The following ASPRV1 variants were observed in gnomAD, a reference collection of about 807,000 sequenced individuals.
ASPRV1 encodes aspartic peptidase retroviral like 1, also known as retroviral-like aspartic protease 1.
A neutral mutation model predicts 11.0 loss-of-function variants in ASPRV1; 7 were observed. That is an observed-to-expected ratio of 0.64 (90% CI 0.36 to 1.20). The LOEUF is 1.20. Among genes scored for constraint, ASPRV1 ranks in the 50% most tolerant of loss-of-function variants. The pLI is 0.02. For missense variants in ASPRV1, 299 were observed against 320.0 expected (o/e 0.93, Z 0.50); for synonymous variants, 136 against 138.4 (o/e 0.98, Z 0.12).
the ASPRV1 span, among the ~76,000 whole-genome samples, chr2:69,985,055 A>G: frequency 1.3e-5 from 2 of 152,110 alleles, no homozygotes; most frequent in African/African-American, 4.8e-5. Context: ...ACGGGGTTTC[A>G]CTGTGTTAGC....
At chr2:70,043,757 T>A in the ASPRV1 span, among the ~76,000 whole-genome samples, 259 of 152,294 alleles carry the variant, frequency 1.7e-3, no homozygotes, top group Non-Finnish European at 2.8e-3. Context: ...GTGACAGTCT[T>A]TGTCTCAGTA....
At chr2:70,050,237 G>C in the ASPRV1 span, 2 of 152,046 alleles carry the variant, frequency 1.3e-5, no homozygotes, top group South Asian at 4.2e-4. Context: ...CCGAGATCAT[G>C]CCATTGCACT....
the ASPRV1 span, among the ~76,000 whole-genome samples, chr2:69,966,880 G>A: frequency 1.3e-5 from 2 of 152,124 alleles, no homozygotes; most frequent in African/African-American, 2.4e-5. Flanking sequence ...GGGGGGCGGC[G>A]ACAGAGAGGG....
the ASPRV1 span, among the ~76,000 whole-genome samples, chr2:69,983,020 G>A: frequency 6.6e-6 from 1 of 152,152 alleles, no homozygotes; most frequent in Non-Finnish European, 1.5e-5. Context: ...CAGCGTTCAA[G>A]TGATTCTCCT....
At chr2:69,982,413 G>A in the ASPRV1 span, among the ~76,000 whole-genome samples, 1 of 152,142 alleles carries the variant, frequency 6.6e-6, no homozygotes, top group African/African-American at 2.4e-5. Context: ...CTGTGATCCT[G>A]CCACTGCACT....
chr2:70,076,830 C>G, the ASPRV1 span, among the ~76,000 whole-genome samples: 1 of 152,192 alleles, frequency 6.6e-6, no homozygotes, highest in Non-Finnish European at 1.5e-5. Flanking sequence ...CAGCTTGTTG[C>G]TGCAGCCCAG....
upstream of ASPRV1, chr2:69,964,564 C>T: frequency 3.7e-6 from 1 of 266,776 alleles, no homozygotes; most frequent in Admixed American, 4.9e-5. Flanking sequence ...GCTAAACCAG[C>T]CAGGGCAGGC....
Position 69,960,737 on chromosome 2 carries a change from A to T in ASPRV1, c.700T>A (p.Ser234Thr), listed in dbSNP as rs768942353. Residue 234 changes from serine (S) to threonine (T), a missense_variant, in exon 1 of 1, where the codon TCC (serine) becomes ACC (threonine). Transcript: ENST00000320256. ...TCCAGGTCAAACTCATCTTCCAGGGACCCTCCCACAGGCAGAAGGCGAAAC... is the reference window on the plus strand; with the variant it reads ...TCCAGGTCAAACTCATCTTCCAGGGTCCCTCCCACAGGCAGAAGGCGAAAC... Reference protein sequence around the residue: ...KKFRLLPVGGSLEDEFDLELI... With the variant: ...KKFRLLPVGGTLEDEFDLELI... 4 of 1,613,548 alleles carry T rather than the reference A, an allele frequency of 2.5e-6. No homozygotes were observed. In the African/African-American group the frequency reaches 5.4e-5, roughly 22 times the overall value.
At chr2:70,049,591 A>T in the ASPRV1 span, 1 of 152,224 alleles carries the variant, frequency 6.6e-6, no homozygotes, top group South Asian at 2.1e-4. Flanking sequence ...AATACCTGCT[A>T]CAAGCATTTG....
the ASPRV1 span, among the ~76,000 whole-genome samples, chr2:70,044,545 C>T: frequency 1.3e-5 from 2 of 152,190 alleles, no homozygotes; most frequent in Non-Finnish European, 2.9e-5. Context: ...CGGCAACCAC[C>T]GCCTCGCGGA....
At chr2:69,949,487 C>T in the ASPRV1 span, among the ~76,000 whole-genome samples, 4 of 152,054 alleles carry the variant, frequency 2.6e-5, no homozygotes, top group South Asian at 2.1e-4. Context: ...AGAAAATACC[C>T]GGGTTTTGGA....
At chr2:70,040,482 T>C in the ASPRV1 span, among the ~76,000 whole-genome samples, 1 of 152,184 alleles carries the variant, frequency 6.6e-6, no homozygotes, top group Non-Finnish European at 1.5e-5. Context: ...CCTGAGACTT[T>C]CCCTAACAGC....
At chr2:70,067,229 GGGAA>G in the ASPRV1 span, among the ~76,000 whole-genome samples, 1 of 152,184 alleles carries the variant, frequency 6.6e-6, no homozygotes, top group Non-Finnish European at 1.5e-5. Flanking sequence ...GACGTGGGAA[GGGAA>G]GGAAGGAATG....
chr2:70,044,173 G>A, the ASPRV1 span, among the ~76,000 whole-genome samples: 1 of 151,922 alleles, frequency 6.6e-6, no homozygotes, highest in South Asian at 2.1e-4. Flanking sequence ...AACTCTTCCT[G>A]GAGTCTCTTC....
the ASPRV1 span, chr2:69,997,028 G>A: frequency 3.9e-6 from 1 of 256,192 alleles, no homozygotes; most frequent in Non-Finnish European, 7.9e-6. Flanking sequence ...ATAAGAAGTG[G>A]ACACACAAGG....
chr2:70,035,123 G>A, the ASPRV1 span: 4 of 152,270 alleles, frequency 2.6e-5, no homozygotes, highest in Non-Finnish European at 5.9e-5. Context: ...GAAGGGAGGT[G>A]AAGAGCCTCC....
the ASPRV1 span, among the ~76,000 whole-genome samples, chr2:69,972,678 G>A: frequency 6.6e-6 from 1 of 152,152 alleles, no homozygotes; most frequent in East Asian, 1.9e-4. Flanking sequence ...CGGTTTTCAT[G>A]AGTGTTCTGC....
chr2:70,000,816 A>T, the ASPRV1 span, among the ~76,000 whole-genome samples: 53 of 146,570 alleles, frequency 3.6e-4, no homozygotes, highest in African/African-American at 1.3e-3. Flanking sequence ...AAAAAAAAAA[A>T]AGAAAGAAAA....
the ASPRV1 span, among the ~76,000 whole-genome samples, chr2:70,066,773 T>A: frequency 6.6e-6 from 1 of 151,706 alleles, no homozygotes; most frequent in Non-Finnish European, 1.5e-5. Flanking sequence ...GCTAATTTGT[T>A]ATTTTTTGTA....
Sources: allele counts gnomAD v4.1 joint callset (sites outside exome capture counted in the v4.1 genomes callset), GRCh38; gene constraint gnomAD v4.1.1; transcripts MANE v1.5; gene names NCBI Gene and HGNC (gene_info 2026-07-23, HGNC 2026-07-21).